Variants in TLR7 observed in about 807,000 individuals in gnomAD.
The protein encoded by TLR7 is toll-like receptor 7.
In TLR7, 12 loss-of-function variants were observed where a neutral mutation model predicts 38.3. That is an observed-to-expected ratio of 0.31 (90% confidence interval 0.20 to 0.51). The LOEUF (loss-of-function observed/expected upper bound fraction) is 0.51. Among genes scored for constraint, TLR7 ranks in the 20% least tolerant of loss-of-function variants. The probability of loss-of-function intolerance (pLI) is 0.98; values close to 1 mark genes in which losing one functional copy is unlikely to be tolerated. For synonymous variants in TLR7, 285 were observed against 293.8 expected, an observed-to-expected ratio of 0.97 and a Z score of 0.31; for missense variants, 504 against 743.4, an observed-to-expected ratio of 0.68 and a Z score of 3.74.
intron 2 of TLR7, among the ~76,000 whole-genome samples, chrX:12,878,505 A>T (rs1254525360): frequency 1.8e-5 from 2 of 112,469 alleles, no homozygotes; most frequent in Non-Finnish European, 3.8e-5. Context: ...GTCTGGACCA[A>T]TGCTATCTAA....
chrX:12,887,427 A>G lies in TLR7; in HGVS notation c.1919A>G (p.Asn640Ser), dbSNP rs775900630. Residue 640 changes from asparagine (N) to serine (S), a missense_variant, in exon 3 of 3, where the codon AAC becomes AGC. Coordinates refer to ENST00000380659, the MANE Select transcript of TLR7 (RefSeq NM_016562.4). ...GATGTTTTATGGAGAGAAGGTGATA[A>G]CAGATACTTACAATTATTCAAGAAT... The part of the protein sequence containing the change: ...HLDVLWREGD[N>S]RYLQLFKNLL... 2.5e-6 allele frequency: 3 copies of G among 1,207,879 alleles called. No homozygotes were observed. In the African/African-American group the frequency reaches 5.2e-5, roughly 21 times the overall value.
At chrX:12,885,245 G>A (rs983864079) in intron 2 of TLR7, among the ~76,000 whole-genome samples, 3 of 112,207 alleles carry the variant, frequency 2.7e-5, no homozygotes, top group East Asian at 2.8e-4. Context: ...ATGTAACAAC[G>A]AATAGGAAAA....
chrX:12,888,777 C>T lies in TLR7; in HGVS notation c.*119C>T. Reference sequence around the variant, plus strand: ...AAATTCTTCAAGAAATGAGATTGCCCATATTTCAGGGGAGCCACCAACGTC... The same window carrying T: ...AAATTCTTCAAGAAATGAGATTGCCTATATTTCAGGGGAGCCACCAACGTC... On this transcript the variant is annotated 3_prime_UTR_variant, in exon 3 of 3. Transcript: ENST00000380659. 4 of 860,705 alleles carry T rather than the reference C, an allele frequency of 4.6e-6. No individual in the cohort carries two copies. Among genetic ancestry groups the T allele is most frequent in the Non-Finnish European group, 6.4e-6 (4 of 628,683 alleles). 70.9% of individuals were successfully genotyped at this position (860,705 alleles called of 1,213,427 possible).
At chrX:12,883,941 C>T in intron 2 of TLR7, among the ~76,000 whole-genome samples, 1 of 111,224 alleles carries the variant, frequency 9.0e-6, no homozygotes, top group Non-Finnish European at 1.9e-5. Flanking sequence ...AAAAAAATTG[C>T]TTATTTACCT....
In TLR7 at chrX:12,878,630, G is replaced by T. The variant is rs556044269; in HGVS notation, c.4-6882G>T. Among the ~76,000 whole-genome samples, 50 of 111,875 alleles carry T rather than the reference G, an allele frequency of 4.5e-4. No homozygotes were observed. In the South Asian group the frequency reaches 0.019, roughly 42 times the overall value. ...ATATAGTTAGTGTGACTAAGAGATT[G>T]AATTTTAATTAATTTAAATTTATGG... On this transcript the variant is annotated intron_variant, in intron 2 of 2. Coordinates refer to ENST00000380659, the MANE Select transcript of TLR7 (RefSeq NM_016562.4).
At chrX:12,884,374 GA>G (rs1233280567) in intron 2 of TLR7, among the ~76,000 whole-genome samples, 7 of 112,197 alleles carry the variant, frequency 6.2e-5, no homozygotes, top group Non-Finnish European at 1.1e-4. Context: ...CCCTATGGTA[GA>G]GACACAGGCT....
chrX:12,872,312 C>G (rs185495732), intron 2 of TLR7, among the ~76,000 whole-genome samples: 1 of 111,781 alleles, frequency 8.9e-6, no homozygotes, highest in African/African-American at 3.3e-5. Flanking sequence ...CCCACAGGGT[C>G]TCTCTTGGGG....
intron 2 of TLR7, among the ~76,000 whole-genome samples, chrX:12,884,400 G>A (rs773778914): frequency 2.7e-4 from 30 of 112,265 alleles, no homozygotes; most frequent in Non-Finnish European, 4.1e-4. Flanking sequence ...CACTCCATGC[G>A]TAAGTACTAA....
In TLR7 at chrX:12,886,198, A is replaced by G. The variant is rs1346533221; in HGVS notation, c.690A>G (p.Leu230=). 1 of 1,209,814 alleles carries G rather than the reference A, an allele frequency of 8.3e-7. No homozygotes were observed. Among genetic ancestry groups the G allele is most frequent in the Non-Finnish European group, 1.1e-6 (1 of 894,787 alleles). The change falls in exon 3 of 3, where the codon CTA becomes CTG. Residue 230 remains leucine, a synonymous_variant. Coordinates refer to ENST00000380659, the MANE Select transcript of TLR7 (RefSeq NM_016562.4). ...PTVLPSTLTE[L]YLYNNMIAKI... is the part of the protein sequence containing the mutation. ...TTTTGCCATCTACTTTAACAGAACTATATCTCTACAACAACATGATTGCAA... is the reference window on the plus strand; with the variant it reads ...TTTTGCCATCTACTTTAACAGAACTGTATCTCTACAACAACATGATTGCAA...
rs777981131 is a variant in TLR7, at chrX:12,888,245, G to A, written c.2737G>A (p.Val913Met). 2 of 1,211,772 alleles carry A rather than the reference G, an allele frequency of 1.7e-6. No individual in the cohort carries two copies. The highest frequency in any genetic ancestry group is 2.2e-6 in the Non-Finnish European group (2 of 895,547). ...GACCGAGTGGGTTTTGGCTGAGCTG[G>A]TGGCCAAACTGGAAGACCCAAGAGA... ...AVTEWVLAEL[V>M]AKLEDPREKH... is the part of the protein sequence containing the mutation. The change falls in exon 3 of 3, where the codon GTG (valine) becomes ATG (methionine). Residue 913 changes from valine (V) to methionine (M), a missense_variant. By Grantham distance (21) the Val-to-Met change is conservative. Transcript: ENST00000380659.
In TLR7 at chrX:12,869,140, G is replaced by T. The variant is rs146244166; in HGVS notation, c.3+1559G>T. ...TTCCTAGACCAAGCCCAGCACACAC[G>T]CAATAAAGATGAGGTTGGATATGAT... is the stretch of plus-strand genomic sequence containing the variant. On this transcript the variant is annotated intron_variant, in intron 2 of 2. Transcript: ENST00000380659. Among the ~76,000 whole-genome samples, 612 of 111,653 alleles carry T rather than the reference G, an allele frequency of 5.5e-3. 6 individuals carry two copies. Among genetic ancestry groups the T allele is most frequent in the African/African-American group, 0.02 (601 of 30,739 alleles).
chrX:12,871,590 G>C (rs891761246), intron 2 of TLR7, among the ~76,000 whole-genome samples: 2 of 112,011 alleles, frequency 1.8e-5, no homozygotes, highest in African/African-American at 6.5e-5. Context: ...TCGCTCACAC[G>C]TCTTGGCTCA....
At chrX:12,876,460 C>A (rs1447849574) in intron 2 of TLR7, among the ~76,000 whole-genome samples, 2 of 112,165 alleles carry the variant, frequency 1.8e-5, no homozygotes, top group Non-Finnish European at 3.8e-5. Context: ...AATTGGTCAA[C>A]AATGAGTCTG....
rs1218378022 is a variant in TLR7 at position 12,885,987 on chromosome X, T to A, written c.479T>A (p.Ile160Asn). The change falls in exon 3 of 3, where the codon ATC (isoleucine) becomes AAC (asparagine). Residue 160 changes from isoleucine to asparagine, a missense_variant. By Grantham distance (149) the Ile-to-Asn change is moderately radical. Coordinates refer to ENST00000380659, the MANE Select transcript of TLR7 (RefSeq NM_016562.4). ...CTTCTCAGCCTTGAGGCCAACAACA[T>A]CTTTTCCATCAGAAAAGAGAATCTA... ...LQLLSLEANNIFSIRKENLTE... is the reference protein window; with the variant it reads ...LQLLSLEANNNFSIRKENLTE... 1.7e-6 allele frequency: 2 copies of A among 1,211,973 alleles called. No individual in the cohort carries two copies. The highest frequency in any genetic ancestry group is 2.2e-6 in the Non-Finnish European group (2 of 895,597).
chrX:12,888,310 A>T lies in TLR7; in HGVS notation c.2802A>T (p.Leu934Phe). Reference protein sequence around the residue: ...FNLCLEERDWLPGQPVLENLS... With the variant: ...FNLCLEERDWFPGQPVLENLS... The stretch of plus-strand genomic sequence containing the variant: ...TATGTCTCGAGGAAAGGGACTGGTT[A>T]CCAGGGCAGCCAGTTCTGGAAAACC... The change falls in exon 3 of 3, where the codon TTA becomes TTT. Residue 934 changes from leucine to phenylalanine, a missense_variant. By Grantham distance (22) the Leu-to-Phe change is conservative. Transcript: ENST00000380659. 1 of 1,211,879 alleles carries T rather than the reference A, an allele frequency of 8.3e-7. No individual in the cohort carries two copies. The highest frequency in any genetic ancestry group is 1.1e-6 in the Non-Finnish European group (1 of 895,526).
rs775736639 is a variant in TLR7 at position 12,887,680 on chromosome X, C to A, written c.2172C>A (p.Ser724Arg). 8.3e-7 allele frequency: 1 copy of A among 1,209,692 alleles called. No individual in the cohort carries two copies. The highest frequency in any genetic ancestry group is 1.1e-6 in the Non-Finnish European group (1 of 895,172). The change falls in exon 3 of 3, where the codon AGC (serine) becomes AGA (arginine). Residue 724 changes from serine to arginine, a missense_variant. Physicochemically the swap from Ser to Arg is moderately radical, Grantham distance 110. Coordinates refer to ENST00000380659, the MANE Select transcript of TLR7 (RefSeq NM_016562.4). ...AGAGATTATCCAACTGTTCCAGAAG[C>A]CTCAAGAATCTGATTCTTAAGAATA... is the stretch of plus-strand genomic sequence containing the variant. The part of the protein sequence containing the change: ...VPERLSNCSR[S>R]LKNLILKNNQ...
At chrX:12,874,246 G>C (rs2042863265) in intron 2 of TLR7, among the ~76,000 whole-genome samples, 1 of 111,154 alleles carries the variant, frequency 9.0e-6, no homozygotes. Context: ...CTTGAACCGG[G>C]TAGGCAGAGG....
At chrX:12,874,300 A>G (rs1045832242) in intron 2 of TLR7, among the ~76,000 whole-genome samples, 2 of 111,665 alleles carry the variant, frequency 1.8e-5, no homozygotes, top group Non-Finnish European at 3.8e-5. Context: ...AGCCTGGGCG[A>G]CAGAGTGAGA....
At chrX:12,884,718 A>G (rs1342815497) in intron 2 of TLR7, among the ~76,000 whole-genome samples, 6 of 112,104 alleles carry the variant, frequency 5.4e-5, no homozygotes. Flanking sequence ...TCATTCTTGT[A>G]AGTATACTAA....
Sources: gnomAD v4.1 joint callset for allele counts (sites outside exome capture counted in the v4.1 genomes callset) on GRCh38, gnomAD v4.1.1 for gene constraint, MANE v1.5 for transcripts, NCBI Gene and HGNC (gene_info 2026-07-23, HGNC 2026-07-21) for gene names.